TTN: variants seen among roughly 807,000 people sequenced by gnomAD.
TTN encodes connectin.
A neutral mutation model predicts 3,223.0 loss-of-function variants in TTN; 1,525 were observed. The ratio of observed to expected loss-of-function variants is 0.47; its 90% CI spans 0.45 to 0.49. TTN has a LOEUF of 0.49. Among genes scored for constraint, TTN ranks in the 20% least tolerant of loss-of-function variants. The pLI is 0.00. For missense variants in TTN, 40,786 were observed against 43,424.0 expected (o/e 0.94, Z 5.40); for synonymous variants, 14,094 against 15,161.0 (o/e 0.93, Z 5.17).
rs1019913774 is a variant in TTN, at chr2:178,564,021, C to T, written c.82111G>A (p.Gly27371Arg). 6.2e-7 allele frequency: 1 copy of T among 1,613,616 alleles called. No homozygotes were observed. Among genetic ancestry groups the T allele is most frequent in the African/African-American group, 1.3e-5 (1 of 74,894 alleles). The change falls in exon 326 of 363, where the codon GGG becomes AGG. Residue 27371 changes from glycine to arginine, a missense_variant. Gly to Arg is a moderately radical substitution (Grantham distance 125). Transcript: ENST00000589042. ...PITVKVLDRP[G>R]PPEGPLKVTG... is the part of the protein sequence containing the mutation. ...ACTTTCAGAGGCCCTTCAGGAGGCC[C>T]TGGCCTGTCAAGTACCTTTACAGTG...
chr2:178,737,989 G>A lies in TTN; in HGVS notation c.14371+93C>T, dbSNP rs185239446. 420 of 1,509,934 alleles carry A rather than the reference G, an allele frequency of 2.8e-4. No homozygotes were observed. The African/African-American group carries it at 4.9e-3, about 18-fold the overall frequency. The allele number at this position is 1,509,934 out of a possible 1,614,324, so 93.5% of individuals were successfully genotyped here. ...TCTTGGTTGTTGGTCTCTCCAGTTG[G>A]TAATACAAGCATTTCCCACACATGT... On this transcript the variant is annotated intron_variant, in intron 49 of 362. Coordinates refer to ENST00000589042, the MANE Select transcript of TTN (RefSeq NM_001267550.2).
At position 178,720,133 on chromosome 2, in the gene TTN, T is replaced by C; in HGVS notation, c.23509A>G (p.Arg7837Gly). 2 of 1,613,806 alleles carry C rather than the reference T, an allele frequency of 1.2e-6. No homozygotes were observed. The highest frequency in any genetic ancestry group is 8.5e-7 in the Non-Finnish European group (1 of 1,179,724). ...GAAATCCTGGTATTTTCACTCTCTCTGATGACTTCACCTCTATCTTTCAGC... is the reference window on the plus strand; with the variant it reads ...GAAATCCTGGTATTTTCACTCTCTCCGATGACTTCACCTCTATCTTTCAGC... The part of the protein sequence containing the change: ...VWLKDRGEVI[R>G]ESENTRISFI... The change falls in exon 81 of 363, where the codon AGA (arginine) becomes GGA (glycine). Residue 7837 changes from arginine (R) to glycine (G), a missense_variant. Coordinates refer to ENST00000589042, the MANE Select transcript of TTN (RefSeq NM_001267550.2).
Position 178,725,499 on chromosome 2 carries a change from C to T in TTN, c.20705G>A (p.Arg6902Lys). 1 of 1,613,352 alleles carries T rather than the reference C, an allele frequency of 6.2e-7. No individual in the cohort carries two copies. The highest frequency in any genetic ancestry group is 8.5e-7 in the Non-Finnish European group (1 of 1,179,522). ...EEVIRESENI[R>K]ITFVENVATL... ...TGCAACATTTTCCACAAATGTAATC[C>T]TGATGTTTTCACTTTCTCTAATCAC... The change falls in exon 71 of 363, where the codon AGG becomes AAG. Residue 6902 changes from arginine (R) to lysine (K), a missense_variant. By Grantham distance (26) the Arg-to-Lys change is conservative (BLOSUM62 2). Coordinates refer to ENST00000589042, the MANE Select transcript of TTN (RefSeq NM_001267550.2).
In TTN at chr2:178,665,743, G is replaced by T. The variant is rs182102510; in HGVS notation, c.35924C>A (p.Ala11975Asp). Residue 11975 changes from alanine to aspartate, a missense_variant, in exon 164 of 363, where the codon GCT becomes GAT. Physicochemically the swap from Ala to Asp is moderately radical, Grantham distance 126. Transcript: ENST00000589042. ...EIVPVKETPMAAPLEIEIPPT... is the reference protein window; with the variant it reads ...EIVPVKETPMDAPLEIEIPPT... ...AGGTATTTCAATTTCAAGGGGAGCAGCCATGGGTGTTTCCTTTACAGGGAC... is the reference window on the plus strand; with the variant it reads ...AGGTATTTCAATTTCAAGGGGAGCATCCATGGGTGTTTCCTTTACAGGGAC... 46 of 1,329,456 alleles carry T rather than the reference G, an allele frequency of 3.5e-5. No homozygotes were observed. In the African/African-American group the frequency reaches 5.3e-4, roughly 15 times the overall value. The allele number at this position is 1,329,456 out of a possible 1,614,324, so 82.4% of individuals were successfully genotyped here.
At position 178,651,320 on chromosome 2, in the gene TTN, A is replaced by G; in HGVS notation, c.39548T>C (p.Val13183Ala). 6.2e-7 allele frequency: 1 copy of G among 1,612,822 alleles called. No individual in the cohort carries two copies. Among genetic ancestry groups the G allele is most frequent in the South Asian group, 1.1e-5 (1 of 90,994 alleles). Residue 13183 changes from valine to alanine, a missense_variant and splice_region_variant, in exon 208 of 363, where the codon GTG becomes GCG. Physicochemically the swap from Val to Ala is moderately conservative, Grantham distance 64 (BLOSUM62 0). Coordinates refer to ENST00000589042, the MANE Select transcript of TTN (RefSeq NM_001267550.2). ...PKKPEAPPAKVPEVPKEVVPE... is the reference protein window; with the variant it reads ...PKKPEAPPAKAPEVPKEVVPE... ...AACAACTTCTTTTGGAACTTCAGGCACTTCAAATATATTAGTATTTTAACA... is the reference window on the plus strand; with the variant it reads ...AACAACTTCTTTTGGAACTTCAGGCGCTTCAAATATATTAGTATTTTAACA...
At position 178,622,661 on chromosome 2, in the gene TTN, G is replaced by A; in HGVS notation, c.44913+9C>T. On this transcript the variant is annotated intron_variant, in intron 243 of 362. Coordinates refer to ENST00000589042, the MANE Select transcript of TTN (RefSeq NM_001267550.2). ...GACAGTACAAGATGACAGGTATACAGTCACAGACCTTAGCATTTTCTCGGG... is the reference window on the plus strand; with the variant it reads ...GACAGTACAAGATGACAGGTATACAATCACAGACCTTAGCATTTTCTCGGG... 6.3e-7 allele frequency: 1 copy of A among 1,597,030 alleles called. No homozygotes were observed. The highest frequency in any genetic ancestry group is 8.5e-7 in the Non-Finnish European group (1 of 1,170,138).
chr2:178,706,847 A>C lies in TTN; in HGVS notation c.29134+15T>G. ...TAAGATAGATGAAGATGTACTTCTC[A>C]TGAAGTGCACTTACTTTCTACGACT... On this transcript the variant is annotated intron_variant, in intron 101 of 362. Coordinates refer to ENST00000589042, the MANE Select transcript of TTN (RefSeq NM_001267550.2). 6.2e-7 allele frequency: 1 copy of C among 1,609,322 alleles called. No individual in the cohort carries two copies. Among genetic ancestry groups the C allele is most frequent in the Admixed American group, 1.7e-5 (1 of 59,704 alleles).
intron 243 of TTN, 118 bp downstream of exon 243, chr2:178,622,552 A>T: frequency 1.4e-6 from 1 of 727,734 alleles, no homozygotes. Context: ...AATTATCTTT[A>T]AAAGTAAAGT....
intron 33 of TTN, 198 bp downstream of exon 33, chr2:178,772,911 T>A: frequency 1.6e-6 from 1 of 638,716 alleles, no homozygotes; most frequent in Non-Finnish European, 2.7e-6. Context: ...ATGGAGAAGG[T>A]GACGTTTGAG....
chr2:178,621,063 C>T lies in TTN; in HGVS notation c.45616+39G>A, dbSNP rs1001281334. On this transcript the variant is annotated intron_variant, in intron 246 of 362. Coordinates refer to ENST00000589042, the MANE Select transcript of TTN (RefSeq NM_001267550.2). ...GTGGTAAATACAAATACAAAACAAA[C>T]AAACAAACAAAAAACCCTAAAAGCA... The T allele has an allele frequency of 1.9e-6, 3 of 1,605,786 alleles. No individual in the cohort carries two copies. The African/African-American group carries it at 4.1e-5, about 22-fold the overall frequency.
At chr2:178,594,888 T>C (rs754297628) in intron 295 of TTN, among the ~76,000 whole-genome samples, 16 of 152,012 alleles carry the variant, frequency 1.1e-4, no homozygotes, top group Non-Finnish European at 1.5e-4. Flanking sequence ...TTAGGAAAGG[T>C]CTTCAGAATT....
In TTN at chr2:178,558,046, T is replaced by C. The variant is rs375374455; in HGVS notation, c.87308A>G (p.Asn29103Ser). Residue 29103 changes from asparagine to serine, a missense_variant, in exon 328 of 363, where the codon AAT becomes AGT. By Grantham distance (46) the Asn-to-Ser change is conservative (BLOSUM62 1). Transcript: ENST00000589042. ...TEITAENLTI[N>S]LKESVTADAG... ...GTCAGCTGTAACACTTTCTTTGAGA[T>C]TGATGGTCAGGTTCTCAGCAGTAAT... 4.3e-6 allele frequency: 7 copies of C among 1,613,840 alleles called. No homozygotes were observed. In the African/African-American group the frequency reaches 5.3e-5, roughly 12 times the overall value.
intron 47 of TTN, chr2:178,746,457 C>A: frequency 6.2e-7 from 1 of 1,611,898 alleles, no homozygotes; most frequent in Non-Finnish European, 8.5e-7. Context: ...TCACTTAATT[C>A]AACTTCCAGG....
At position 178,543,154 on chromosome 2, in the gene TTN, G is replaced by A. The variant is rs200362127; in HGVS notation, c.96819C>T (p.Tyr32273=). Residue 32273 remains tyrosine (Y), a synonymous_variant, in exon 347 of 363, where the codon TAC becomes TAT. Coordinates refer to ENST00000589042, the MANE Select transcript of TTN (RefSeq NM_001267550.2). The part of the protein sequence containing the change: ...TVTSLNEGEQ[Y]LFRIRAQNEK... The stretch of plus-strand genomic sequence containing the variant: ...CATTTTGTGCCCTTATTCTAAATAA[G>A]TATTGTTCACCTTCATTTAAGGAAG... 7 of 1,612,370 alleles carry A rather than the reference G, an allele frequency of 4.3e-6. No homozygotes were observed. Among genetic ancestry groups the A allele is most frequent in the Non-Finnish European group, 4.2e-6 (5 of 1,179,440 alleles).
chr2:178,722,907 G>A lies in TTN; in HGVS notation c.21992C>T (p.Pro7331Leu). ...CGAATCTCCAACTGCTGCCTCCAGA[G>A]GTTCCAGTTCCGTAACAAAATAAGG... ...EPPYFVTELE[P>L]LEAAVGDSVS... Residue 7331 changes from proline to leucine, a missense_variant, in exon 76 of 363, where the codon CCT (proline) becomes CTT (leucine). Physicochemically the swap from Pro to Leu is moderately conservative, Grantham distance 98. Transcript: ENST00000589042. 6.2e-7 allele frequency: 1 copy of A among 1,612,632 alleles called. No individual in the cohort carries two copies. The highest frequency in any genetic ancestry group is 1.1e-5 in the South Asian group (1 of 90,932).
chr2:178,734,500 C>T lies in TTN; in HGVS notation c.15324G>A (p.Trp5108Ter), dbSNP rs755339616. ...VSGTGPFEIS[W>*]FKDKKQIRSS... is the part of the protein sequence containing the mutation. The stretch of plus-strand genomic sequence containing the variant: ...TTCGAATTTGTTTCTTGTCTTTGAA[C>T]CAGCTAATTTCAAATGGTCCAGTGC... The change falls in exon 52 of 363, where the codon TGG (tryptophan) becomes TGA (stop). Residue 5108 changes from tryptophan (W) to a stop codon, truncating the protein, a stop_gained. Coordinates refer to ENST00000589042, the MANE Select transcript of TTN (RefSeq NM_001267550.2). LOFTEE classifies it high-confidence loss of function. 4.3e-6 allele frequency: 7 copies of T among 1,613,622 alleles called. No homozygotes were observed. The highest frequency in any genetic ancestry group is 5.9e-6 in the Non-Finnish European group (7 of 1,179,724).
rs1274344074 is a variant in TTN at position 178,571,819 on chromosome 2, T to C, written c.74313A>G (p.Ser24771=). ...RVNAESTENN[S]LLTIKDACRE... is the part of the protein sequence containing the mutation. ...GGCAGGCGTCCTTTATTGTCAGTAG[T>C]GAATTATTTTCTGTGCTCTCTGCAT... Residue 24771 remains serine, a synonymous_variant, in exon 326 of 363, where the codon TCA becomes TCG. Coordinates refer to ENST00000589042, the MANE Select transcript of TTN (RefSeq NM_001267550.2). The C allele has an allele frequency of 1.2e-6, 2 of 1,613,536 alleles. No individual in the cohort carries two copies. Among genetic ancestry groups the C allele is most frequent in the East Asian group, 4.5e-5 (2 of 44,820 alleles).
At position 178,707,614 on chromosome 2, in the gene TTN, A is replaced by G. The variant is rs1265148069; in HGVS notation, c.28953T>C (p.Asp9651=). 3 of 1,613,760 alleles carry G rather than the reference A, an allele frequency of 1.9e-6. No homozygotes were observed. The highest frequency in any genetic ancestry group is 2.2e-5 in the East Asian group (1 of 44,886). The stretch of plus-strand genomic sequence containing the variant: ...AATCTCCCGAATCTGCTTTAGCCAC[A>G]TCTCTGAGTTCCAGTACAGCTGTCC... The part of the protein sequence containing the change: ...ASGTAVLELR[D]VAKADSGDYV... Residue 9651 remains aspartate (D), a synonymous_variant, in exon 100 of 363, where the codon GAT becomes GAC. Coordinates refer to ENST00000589042, the MANE Select transcript of TTN (RefSeq NM_001267550.2).
chr2:178,653,314 C>G lies in TTN; in HGVS notation c.38715G>C (p.Glu12905Asp), dbSNP rs1194987965. 5.6e-6 allele frequency: 9 copies of G among 1,612,270 alleles called. No individual in the cohort carries two copies. The highest frequency in any genetic ancestry group is 7.6e-6 in the Non-Finnish European group (9 of 1,179,520). The change falls in exon 198 of 363, where the codon GAG becomes GAC. Residue 12905 changes from glutamate to aspartate, a missense_variant. Coordinates refer to ENST00000589042, the MANE Select transcript of TTN (RefSeq NM_001267550.2). ...TTTCAAGGACAACTTCTTTGGGAGC[C>G]TCTGGCACTTAAAAGATATTAGTAA... ...KPEVPPVTVPEAPKEVVLEKK... is the reference protein window; with the variant it reads ...KPEVPPVTVPDAPKEVVLEKK...
Sources: allele counts gnomAD v4.1 joint callset (sites outside exome capture counted in the v4.1 genomes callset), GRCh38; gene constraint gnomAD v4.1.1; transcripts MANE v1.5; gene names NCBI Gene and HGNC (gene_info 2026-07-23, HGNC 2026-07-21).